The following DNAH3 variants were observed in gnomAD, a reference collection of about 807,000 sequenced individuals.
The protein encoded by DNAH3 is dynein axonemal heavy chain 3.
DNAH3 carries 332 observed loss-of-function variants against 432.5 expected under a neutral mutation model. The observed-to-expected ratio is 0.77, with a 90% CI of 0.70 to 0.84. DNAH3 has a LOEUF of 0.84. Among genes scored for constraint, DNAH3 ranks in the 40% least tolerant of loss-of-function variants. DNAH3 has a pLI of 0.00. For synonymous variants in DNAH3, 1,956 were observed against 1,900.2 expected, an observed-to-expected ratio of 1.03 and a Z score of -0.76; for missense variants, 4,861 against 5,114.0, an observed-to-expected ratio of 0.95 and a Z score of 1.51.
chr16:21,154,457 C>G (rs2092885934), intron 1 of DNAH3, among the ~76,000 whole-genome samples: 1 of 152,054 alleles, frequency 6.6e-6, no homozygotes, highest in Non-Finnish European at 1.5e-5. Context: ...ACCCTATGGC[C>G]TGTGTGTGAG....
At chr16:21,015,341 T>C (rs2087804772) in intron 41 of DNAH3, among the ~76,000 whole-genome samples, 2 of 152,180 alleles carry the variant, frequency 1.3e-5, no homozygotes, top group Admixed American at 6.5e-5. Flanking sequence ...TATCATGTCT[T>C]GGAAAAGTCA....
intron 6 of DNAH3, 121 bp from the exon 8 acceptor site, chr16:21,134,575 C>G (rs1410733073): frequency 1.2e-6 from 1 of 834,254 alleles, no homozygotes; most frequent in African/African-American, 1.7e-5. Context: ...CCAGGCTGGT[C>G]TCAAACTCCT....
chr16:21,154,300 G>A (rs554734155), intron 1 of DNAH3, among the ~76,000 whole-genome samples: 1 of 152,276 alleles, frequency 6.6e-6, no homozygotes, highest in East Asian at 1.9e-4. Context: ...AGCTTCTTGG[G>A]TTGCTGAGGC....
At chr16:20,959,610 A>AACACACACACACAC (rs55757849) in intron 53 of DNAH3, among the ~76,000 whole-genome samples, 112 of 137,636 alleles carry the variant, frequency 8.1e-4, no homozygotes, top group African/African-American at 1.9e-3. Flanking sequence ...TCTCTATTTA[A>AACACACACACACAC]ACACACACAC....
intron 43 of DNAH3, among the ~76,000 whole-genome samples, chr16:20,999,844 A>G (rs1201587076): frequency 6.6e-6 from 1 of 152,212 alleles, no homozygotes; most frequent in East Asian, 1.9e-4. Context: ...TTTATCTGAC[A>G]GAAAATGGAA....
intron 3 of DNAH3, among the ~76,000 whole-genome samples, chr16:21,142,240 G>A (rs930955481): frequency 6.6e-6 from 1 of 151,776 alleles, no homozygotes; most frequent in African/African-American, 2.4e-5. Flanking sequence ...GGTGGCACAC[G>A]CCTGTAATCC....
intron 19 of DNAH3, among the ~76,000 whole-genome samples, chr16:21,082,170 C>T (rs9921427): frequency 0.17 from 25,282 of 151,886 alleles, 2,443 homozygotes; most frequent in African/African-American, 0.26. Flanking sequence ...AAAGTAGTCA[C>T]ATTACAGGAG....
intron 19 of DNAH3, among the ~76,000 whole-genome samples, chr16:21,085,373 A>G (rs1201631049): frequency 3.3e-5 from 5 of 151,814 alleles, no homozygotes; most frequent in South Asian, 2.1e-4. Flanking sequence ...GTGAAACCCC[A>G]TCTCTACTAA....
chr16:20,947,770 GT>G (rs1039306814), intron 57 of DNAH3, among the ~76,000 whole-genome samples: 1 of 151,606 alleles, frequency 6.6e-6, no homozygotes, highest in African/African-American at 2.4e-5. Flanking sequence ...AAAGTAAGTG[GT>G]TTTTTTTGTT....
intron 43 of DNAH3, among the ~76,000 whole-genome samples, chr16:20,997,872 G>GGT (rs1051479175): frequency 6.6e-6 from 1 of 150,394 alleles, no homozygotes; most frequent in Non-Finnish European, 1.5e-5. Flanking sequence ...AGTCAGGCAT[G>GGT]GTGGCTTATG....
At chr16:20,949,096 C>T (rs560441050) in intron 56 of DNAH3, among the ~76,000 whole-genome samples, 32 of 152,036 alleles carry the variant, frequency 2.1e-4, no homozygotes, top group East Asian at 7.7e-4. Flanking sequence ...TTCGTTTGTG[C>T]GACCCCATTC....
At chr16:20,971,454 G>C (rs1462219148) in intron 51 of DNAH3, among the ~76,000 whole-genome samples, 1 of 152,044 alleles carries the variant, frequency 6.6e-6, no homozygotes, top group African/African-American at 2.4e-5. Context: ...GTCCAGGAAG[G>C]GATTCCGGTC....
Position 21,024,610 on chromosome 16 carries a change from C to A in DNAH3, c.5632G>T (p.Glu1878Ter). Residue 1878 changes from glutamate (E) to a stop codon, truncating the protein, a stop_gained, in exon 39 of 62, where the codon GAG (glutamate) becomes TAG (stop). Transcript: ENST00000261383. LOFTEE classifies it high-confidence loss of function. ...GAGGGGCTCACCAATTCTTTGTGCTCCTTGGTGAGACTGGAGGGCAGGGTG... is the reference window on the plus strand; with the variant it reads ...GAGGGGCTCACCAATTCTTTGTGCTACTTGGTGAGACTGGAGGGCAGGGTG... 6.2e-7 allele frequency: 1 copy of A among 1,610,228 alleles called. No homozygotes were observed. Among genetic ancestry groups the A allele is most frequent in the Non-Finnish European group, 8.5e-7 (1 of 1,178,196 alleles).
Position 21,145,167 on chromosome 16 carries a change from A to G in DNAH3, c.448+14T>C. ...AAGCCCCATTCTGCAAGGGTGTGAC[A>G]CTGCCACAAGTACCTGATGATGGCA... is the stretch of plus-strand genomic sequence containing the variant. On this transcript the variant is annotated intron_variant, in intron 3 of 61. Coordinates refer to ENST00000261383, the Ensembl canonical transcript of DNAH3. 6.2e-7 allele frequency: 1 copy of G among 1,600,104 alleles called. No homozygotes were observed. The highest frequency in any genetic ancestry group is 1.7e-4 in the Middle Eastern group (1 of 5,994).
intron 56 of DNAH3, among the ~76,000 whole-genome samples, chr16:20,950,799 A>G (rs1001102375): frequency 2.4e-4 from 37 of 152,044 alleles, no homozygotes; most frequent in African/African-American, 8.7e-4. Flanking sequence ...CCTTGAAGTT[A>G]GTGGTCACGT....
rs1226296354 is a variant in DNAH3, at chr16:21,054,315, G to A, written c.4039+105C>T. The A allele has an allele frequency of 4.8e-6, 4 of 836,584 alleles. 1 individual carries two copies. Among genetic ancestry groups the A allele is most frequent in the Non-Finnish European group, 7.5e-6 (4 of 533,766 alleles). 51.8% of individuals were successfully genotyped at this position (836,584 alleles called of 1,614,324 possible). A position where few individuals can be genotyped will look rare whatever the true frequency, so the allele number is the denominator to read the frequency against. On this transcript the variant is annotated intron_variant, in intron 28 of 61. Coordinates refer to ENST00000261383, the Ensembl canonical transcript of DNAH3. ...TCAGTTGGAGAAAGCTCTCCCTAAT[G>A]AGGAAGGAAACCCTGAATTATTCCG... is the stretch of plus-strand genomic sequence containing the variant.
chr16:20,966,581 C>T (rs1450543831), intron 52 of DNAH3, among the ~76,000 whole-genome samples: 5 of 152,202 alleles, frequency 3.3e-5, no homozygotes, highest in Non-Finnish European at 7.3e-5. Flanking sequence ...ACCTTTCCCT[C>T]AAAGCGGTAA....
intron 48 of DNAH3, 133 bp from the exon 49 acceptor site, chr16:20,983,019 G>C (rs1321586894): frequency 2.0e-5 from 18 of 886,478 alleles, no homozygotes; most frequent in Non-Finnish European, 2.8e-5. Context: ...GGATGTGACT[G>C]TCAATGGCCA....
intron 39 of DNAH3, among the ~76,000 whole-genome samples, chr16:21,022,895 A>G (rs953426721): frequency 6.6e-6 from 1 of 151,882 alleles, no homozygotes; most frequent in Non-Finnish European, 1.5e-5. Context: ...TTACAGGCAC[A>G]TGCCATCATG....
Sources: allele counts gnomAD v4.1 joint callset (sites outside exome capture counted in the v4.1 genomes callset), GRCh38; gene constraint gnomAD v4.1.1; transcripts MANE v1.5; gene names NCBI Gene and HGNC (gene_info 2026-07-23, HGNC 2026-07-21).